The following UBE2Q2 variants were observed in gnomAD, a reference collection of about 807,000 sequenced individuals.
UBE2Q2 encodes the protein ubiquitin conjugating enzyme E2 Q2, also known as ubiquitin-conjugating enzyme E2 Q2.
In UBE2Q2, 54 loss-of-function variants were observed where a neutral mutation model predicts 59.9. The ratio of observed to expected loss-of-function variants is 0.90; its 90% CI spans 0.72 to 1.13. The LOEUF is 1.13. UBE2Q2 is among the 50% of genes most tolerant of loss of function. The pLI is 0.00. For missense variants in UBE2Q2, 433 were observed against 441.9 expected, an observed-to-expected ratio of 0.98 and a Z score of 0.18; for synonymous variants, 165 against 155.2, an observed-to-expected ratio of 1.06 and a Z score of -0.47.
intron 4 of UBE2Q2, among the ~76,000 whole-genome samples, chr15:75,871,464 A>G (rs958380078): frequency 5.9e-5 from 9 of 152,226 alleles, no homozygotes; most frequent in East Asian, 1.9e-4. Context: ...ATTTCAGACT[A>G]TCACATGGGG....
Position 75,844,157 on chromosome 15 carries a change from A to T in UBE2Q2, c.180+311A>T. On this transcript the variant is annotated intron_variant, in intron 1 of 12. Coordinates refer to ENST00000267938, the MANE Select transcript of UBE2Q2 (RefSeq NM_173469.4). ...GGCGGCCCAAGCCCTTGTGGGGTCC[A>T]TGGCCGCCCTCAGCCGGCCTGCTCC... The T allele has an allele frequency of 5.6e-6, 8 of 1,431,250 alleles. No individual in the cohort carries two copies. In the South Asian group the frequency reaches 8.8e-5, roughly 16 times the overall value. The allele number at this position is 1,431,250 out of a possible 1,614,324, so 88.7% of individuals were successfully genotyped here.
In UBE2Q2 at chr15:75,844,326, T is replaced by C. The variant is rs183755387; in HGVS notation, c.180+480T>C. The C allele has an allele frequency of 9.8e-5, 152 of 1,549,524 alleles. No homozygotes were observed. The African/African-American group carries it at 2.0e-3, about 20-fold the overall frequency. On this transcript the variant is annotated intron_variant, in intron 1 of 12. Coordinates refer to ENST00000267938, the MANE Select transcript of UBE2Q2 (RefSeq NM_173469.4). ...TCCCGCTTGTTCAGCCAATTGTTTT[T>C]AAGTTTGCGTTTAAGGAGAAACTGA...
chr15:75,867,847 C>T (rs1490919767), intron 3 of UBE2Q2, among the ~76,000 whole-genome samples: 1 of 152,014 alleles, frequency 6.6e-6, no homozygotes, highest in Non-Finnish European at 1.5e-5. Context: ...GGTATATAGT[C>T]TTTAGATACC....
chr15:75,862,669 G>T (rs760442291), intron 3 of UBE2Q2, among the ~76,000 whole-genome samples: 2 of 151,542 alleles, frequency 1.3e-5, no homozygotes, highest in Admixed American at 1.3e-4. Flanking sequence ...TAAAAAATTA[G>T]GTGGGTATGG....
chr15:75,876,569 T>C (rs1567033099), intron 6 of UBE2Q2, among the ~76,000 whole-genome samples: 2 of 152,214 alleles, frequency 1.3e-5, no homozygotes, highest in South Asian at 2.1e-4. Context: ...ATGAGCGATA[T>C]TGCTTGGAAA....
intron 8 of UBE2Q2, 113 bp downstream of exon 8, chr15:75,879,301 G>A (rs1595886926): frequency 3.5e-6 from 2 of 574,498 alleles, no homozygotes; most frequent in East Asian, 6.2e-5. Context: ...TATGGTTCAG[G>A]AATCTCGTAG....
intron 8 of UBE2Q2, among the ~76,000 whole-genome samples, chr15:75,882,057 G>A (rs1205768761): frequency 6.6e-6 from 1 of 152,152 alleles, no homozygotes; most frequent in African/African-American, 2.4e-5. Context: ...GGAAGCATTA[G>A]TTTTTATTTG....
At chr15:75,844,192 G>GA in intron 1 of UBE2Q2, 1 of 1,412,904 alleles carries the variant, frequency 7.1e-7, no homozygotes, top group Non-Finnish European at 9.3e-7. Flanking sequence ...CCGGGACCGG[G>GA]GCGGGGCGGG....
intron 5 of UBE2Q2, among the ~76,000 whole-genome samples, chr15:75,873,897 G>A (rs180947523): frequency 6.6e-6 from 1 of 152,072 alleles, no homozygotes; most frequent in Non-Finnish European, 1.5e-5. Context: ...AGGACTCTCT[G>A]TTGCCCAGGC....
chr15:75,870,805 TAA>T (rs1179743819), intron 4 of UBE2Q2, among the ~76,000 whole-genome samples: 1 of 152,160 alleles, frequency 6.6e-6, no homozygotes, highest in Non-Finnish European at 1.5e-5. Flanking sequence ...GGCAGATGGT[TAA>T]AAGTCTTGAA....
chr15:75,875,074 T>C (rs1898002407), intron 5 of UBE2Q2, among the ~76,000 whole-genome samples: 1 of 152,236 alleles, frequency 6.6e-6, no homozygotes. Flanking sequence ...TAATGATGAC[T>C]GTACTTTATG....
chr15:75,896,868 T>C (rs1380832017), intron 11 of UBE2Q2, 127 bp from the exon 12 acceptor site: 1 of 497,300 alleles, frequency 2.0e-6, no homozygotes, highest in Non-Finnish European at 3.6e-6. Context: ...TAAGTTAAAA[T>C]TGTTTTTGAA....
In UBE2Q2 at chr15:75,899,921, C is replaced by A. The variant is rs1047084669; in HGVS notation, c.*463C>A. 6.5e-6 allele frequency: 1 copy of A among 152,730 alleles called. No homozygotes were observed. The highest frequency in any genetic ancestry group is 1.5e-5 in the Non-Finnish European group (1 of 68,112). The allele number at this position is 152,730 out of a possible 1,614,324, so 9.5% of individuals were successfully genotyped here. On this transcript the variant is annotated 3_prime_UTR_variant, in exon 13 of 13. Transcript: ENST00000267938. ...GCCTTCTAAATCATAATAGCTCTTT[C>A]ATGTCTAAAACCATTTTATGATATT...
chr15:75,883,699 G>A (rs1280743131), intron 9 of UBE2Q2, among the ~76,000 whole-genome samples: 1 of 151,990 alleles, frequency 6.6e-6, no homozygotes, highest in East Asian at 1.9e-4. Flanking sequence ...GGTGGGGCCT[G>A]AGTATTTACA....
intron 3 of UBE2Q2, among the ~76,000 whole-genome samples, chr15:75,864,161 A>T (rs546582865): frequency 2.6e-5 from 4 of 152,306 alleles, no homozygotes; most frequent in African/African-American, 9.6e-5. Context: ...TTACTTCTAT[A>T]TTAAGTAAGG....
chr15:75,880,204 CT>C (rs1898326991), intron 8 of UBE2Q2, among the ~76,000 whole-genome samples: 1 of 151,950 alleles, frequency 6.6e-6, no homozygotes, highest in Non-Finnish European at 1.5e-5. Context: ...CCTCTGCCTC[CT>C]AGGTTCAAGT....
intron 4 of UBE2Q2, among the ~76,000 whole-genome samples, chr15:75,871,667 T>C (rs1314546778): frequency 6.6e-6 from 1 of 152,224 alleles, no homozygotes; most frequent in Non-Finnish European, 1.5e-5. Context: ...ACACAGCACA[T>C]GTTTCAGAGA....
At chr15:75,864,048 C>T (rs1386328152) in intron 3 of UBE2Q2, among the ~76,000 whole-genome samples, 1 of 152,138 alleles carries the variant, frequency 6.6e-6, no homozygotes, top group African/African-American at 2.4e-5. Flanking sequence ...GCCCACGATT[C>T]TGTATAGGGA....
chr15:75,856,223 A>G (rs1291578703), intron 2 of UBE2Q2, among the ~76,000 whole-genome samples: 2 of 144,466 alleles, frequency 1.4e-5, no homozygotes, highest in African/African-American at 5.2e-5. Context: ...GTGTTTATAC[A>G]TGTATGTGTA....
Sources: gnomAD v4.1 joint callset for allele counts (sites outside exome capture counted in the v4.1 genomes callset) on GRCh38, gnomAD v4.1.1 for gene constraint, MANE v1.5 for transcripts, NCBI Gene and HGNC (gene_info 2026-07-23, HGNC 2026-07-21) for gene names.